PER2: variants seen among roughly 807,000 people sequenced by gnomAD.
The protein encoded by PER2 is period circadian regulator 2.
Under a neutral mutation model 121.0 loss-of-function variants are expected in PER2, and 66 were observed. That is an observed-to-expected ratio of 0.55 (90% CI 0.45 to 0.67). The LOEUF is 0.67. PER2 is among the 30% of genes least tolerant of loss of function. The pLI, the probability that PER2 is intolerant of heterozygous loss-of-function variation, is 0.00. For missense variants in PER2, 1,521 were observed against 1,635.0 expected (o/e 0.93, Z 1.20); for synonymous variants, 684 against 659.9 (o/e 1.04, Z -0.56).
Position 238,256,991 on chromosome 2 carries a change from GCGA to G in PER2, c.1993_1995del (p.Ser665del). On this transcript the variant is annotated inframe_deletion, in exon 17 of 23. Transcript: ENST00000254657. ...CTGCTGTAGCTGCACTGGCTGGTGA[GCGA>G]CGCCACACTCTCTGCCTTGCCCGGC... 6.2e-7 allele frequency: 1 copy of G among 1,613,858 alleles called. No homozygotes were observed. The highest frequency in any genetic ancestry group is 8.5e-7 in the Non-Finnish European group (1 of 1,179,998).
chr2:238,295,223 G>GTTCTTC, the PER2 span, among the ~76,000 whole-genome samples: 11 of 151,882 alleles, frequency 7.2e-5, no homozygotes, highest in African/African-American at 2.4e-4. Context: ...TGTTGTTGTT[G>GTTCTTC]TTCTTCTTCT....
chr2:238,288,019 C>A (rs939200022), intron 1 of PER2, among the ~76,000 whole-genome samples: 1 of 152,168 alleles, frequency 6.6e-6, no homozygotes, highest in Non-Finnish European at 1.5e-5. Context: ...AGGGTCTCCC[C>A]GCCCTCAGGT....
Position 238,252,037 on chromosome 2 carries a change from A to G in PER2, c.3112-276T>C, listed in dbSNP as rs1695619680. On this transcript the variant is annotated intron_variant, in intron 19 of 22. Coordinates refer to ENST00000254657, the MANE Select transcript of PER2 (RefSeq NM_022817.3). This position sits in a 1 kb window ranked among gnomAD's most constrained non-coding sequence, Gnocchi z 4.2. ...GGCAATACCTGGGCTCCAGGGGGGA[A>G]AGCCTCAGGCTGCTCCTTGGCCACA... Among the ~76,000 whole-genome samples the G allele has an allele frequency of 6.6e-6, 1 of 152,154 alleles. No individual in the cohort carries two copies. The highest frequency in any genetic ancestry group is 2.4e-5 in the African/African-American group (1 of 41,434).
In PER2 at chr2:238,288,452, T is replaced by A. The variant is rs1199678814; in HGVS notation, c.-123A>T. ...CGCACCCTGCGCGCGGCTCGACCAC[T>A]CTCCACCTGGGACAGGGCCAAGGGC... On this transcript the variant is annotated 5_prime_UTR_variant, in exon 1 of 23. Transcript: ENST00000254657. The A allele has an allele frequency of 6.6e-6, 1 of 152,014 alleles. No individual in the cohort carries two copies. Among genetic ancestry groups the A allele is most frequent in the Non-Finnish European group, 1.5e-5 (1 of 68,028 alleles). 9.4% of individuals were successfully genotyped at this position (152,014 alleles called of 1,614,324 possible). A position where few individuals can be genotyped will look rare whatever the true frequency, so the allele number is the denominator to read the frequency against.
rs1181067753 is a variant in PER2, at chr2:238,252,938, C to T, written c.3085G>A (p.Asp1029Asn). ...GADCKPGTSR[D>N]QQPKAPLTRD... ...GTCAGAGGCGCCTTCGGCTGCTGGT[C>T]CCGAGAAGTGCCAGGTTTGCAGTCC... The change falls in exon 19 of 23, where the codon GAC (aspartate) becomes AAC (asparagine). Residue 1029 changes from aspartate to asparagine, a missense_variant. Physicochemically the swap from Asp to Asn is conservative, Grantham distance 23. Coordinates refer to ENST00000254657, the MANE Select transcript of PER2 (RefSeq NM_022817.3). The surrounding 1 kb of genome is among the most constrained non-coding windows in gnomAD (Gnocchi z 4.2). 2 of 1,613,660 alleles carry T rather than the reference C, an allele frequency of 1.2e-6. No individual in the cohort carries two copies. Among genetic ancestry groups the T allele is most frequent in the South Asian group, 2.2e-5 (2 of 91,060 alleles).
chr2:238,251,760 C>T lies in PER2; in HGVS notation c.3113G>A (p.Arg1038His), dbSNP rs780467105. Residue 1038 changes from arginine to histidine, a missense_variant and splice_region_variant, in exon 20 of 23, where the codon CGT (arginine) becomes CAT (histidine). Physicochemically the swap from Arg to His is conservative, Grantham distance 29. Coordinates refer to ENST00000254657, the MANE Select transcript of PER2 (RefSeq NM_022817.3). ...RDQQPKAPLT[R>H]DEPSDTQNSD... ...GTTCTGTGTGTCTGAGGGTTCATCA[C>T]GCTTTAGGGACAGGAAGCAGATACT... The T allele has an allele frequency of 6.6e-6, 10 of 1,504,744 alleles. No individual in the cohort carries two copies. Among genetic ancestry groups the T allele is most frequent in the Admixed American group, 1.8e-5 (1 of 55,538 alleles). 93.2% of individuals were successfully genotyped at this position (1,504,744 alleles called of 1,614,324 possible).
upstream of PER2, among the ~76,000 whole-genome samples, chr2:238,291,507 C>T (rs140737471): frequency 2.3e-4 from 35 of 152,332 alleles, no homozygotes; most frequent in African/African-American, 7.9e-4. Flanking sequence ...AGCTGGAGGG[C>T]CAAAGGACAG....
chr2:238,262,351 G>T lies in PER2; in HGVS notation c.1154-7C>A. 2 of 1,613,958 alleles carry T rather than the reference G, an allele frequency of 1.2e-6. No individual in the cohort carries two copies. The highest frequency in any genetic ancestry group is 1.7e-6 in the Non-Finnish European group (2 of 1,179,888). ...TGCCCGCCTGACTGCAGGACTAGGA[G>T]AGCAAAAGCCAGCATTCAGGGGAAA... is the stretch of plus-strand genomic sequence containing the variant. On this transcript the variant is annotated splice_polypyrimidine_tract_variant and splice_region_variant and intron_variant, in intron 10 of 22. Transcript: ENST00000254657.
intron 14 of PER2, 28 bp from the exon 15 acceptor site, chr2:238,258,672 A>G (rs375975832): frequency 8.7e-6 from 14 of 1,611,818 alleles, no homozygotes; most frequent in Middle Eastern, 1.6e-4. Context: ...TTGTTCTTTC[A>G]TTCATTTTTC....
chr2:238,248,680 G>C (rs1271779278), intron 22 of PER2, among the ~76,000 whole-genome samples: 1 of 140,124 alleles, frequency 7.1e-6, no homozygotes, highest in Non-Finnish European at 1.5e-5. Flanking sequence ...TTTTGAGACA[G>C]AGTCTTGCTC....
At chr2:238,285,411 C>T (rs1379373461) in intron 1 of PER2, among the ~76,000 whole-genome samples, 3 of 152,136 alleles carry the variant, frequency 2.0e-5, no homozygotes, top group Non-Finnish European at 4.4e-5. Flanking sequence ...GGTTCGTTAC[C>T]CTATCCTCCC....
At position 238,253,185 on chromosome 2, in the gene PER2, CTG is replaced by C; in HGVS notation, c.2836_2837del (p.Gln946AlafsTer2). 6.3e-7 allele frequency: 1 copy of C among 1,593,816 alleles called. No individual in the cohort carries two copies. The highest frequency in any genetic ancestry group is 8.6e-7 in the Non-Finnish European group (1 of 1,167,220). ...TCGAGGTCCGGCTGGGGAACTCAGG[CTG>C]TGAGGCAGAGGCCATCTCGGATGTG... ...TLTSEMASAS[Q>X]PEFPSRTSIP... On this transcript the variant is annotated frameshift_variant, in exon 19 of 23. Coordinates refer to ENST00000254657, the MANE Select transcript of PER2 (RefSeq NM_022817.3). LOFTEE classifies it high-confidence loss of function. The surrounding 1 kb of genome is among the most constrained non-coding windows in gnomAD (Gnocchi z 5.6).
chr2:238,246,239 GTT>G lies in PER2; in HGVS notation c.*134_*135del, dbSNP rs966418767. Reference sequence around the variant, plus strand: ...AGTCGCCCCTTCAGAAAACTATGTTGTTTTTTTTTCTAAAACAAAAAAAGCAA... The same window carrying G: ...AGTCGCCCCTTCAGAAAACTATGTTGTTTTTTTCTAAAACAAAAAAAGCAA... On this transcript the variant is annotated 3_prime_UTR_variant, in exon 23 of 23. Transcript: ENST00000254657. 7.1e-6 allele frequency: 4 copies of G among 563,206 alleles called. No homozygotes were observed. The highest frequency in any genetic ancestry group is 1.2e-5 in the Non-Finnish European group (4 of 342,018). 34.9% of individuals were successfully genotyped at this position (563,206 alleles called of 1,614,324 possible).
chr2:238,294,647 C>T (rs984658085), upstream of PER2, among the ~76,000 whole-genome samples: 1 of 152,222 alleles, frequency 6.6e-6, no homozygotes. Flanking sequence ...CTCAACACCA[C>T]GACGCCAAAG....
rs1695687811 is a variant in PER2, at chr2:238,253,975, A to G, written c.2321-273T>C. On this transcript the variant is annotated intron_variant, in intron 18 of 22. Coordinates refer to ENST00000254657, the MANE Select transcript of PER2 (RefSeq NM_022817.3). This position sits in a 1 kb window ranked among gnomAD's most constrained non-coding sequence, Gnocchi z 5.6. Reference sequence around the variant, plus strand: ...TATTAAATGTCCTTTCTTTTATGAAATGCTAATATGATAAGTGGTAATACA... The same window carrying G: ...TATTAAATGTCCTTTCTTTTATGAAGTGCTAATATGATAAGTGGTAATACA... Among the ~76,000 whole-genome samples the G allele has an allele frequency of 6.6e-6, 1 of 152,214 alleles. No homozygotes were observed. Among genetic ancestry groups the G allele is most frequent in the Admixed American group, 6.5e-5 (1 of 15,282 alleles).
chr2:238,277,238 T>C (rs1574858175), intron 2 of PER2, 45 bp from the exon 3 acceptor site: 1 of 1,209,868 alleles, frequency 8.3e-7, no homozygotes, highest in Non-Finnish European at 1.2e-6. Flanking sequence ...AATTGTATGC[T>C]CCAGACACAT....
In PER2 at chr2:238,268,025, C is replaced by T. The variant is rs1242614056; in HGVS notation, c.967+31G>A. 1 of 1,612,128 alleles carries T rather than the reference C, an allele frequency of 6.2e-7. No individual in the cohort carries two copies. Among genetic ancestry groups the T allele is most frequent in the Non-Finnish European group, 8.5e-7 (1 of 1,179,372 alleles). ...GTAACTGAGGGGGAGCCAGAGACAA[C>T]ATCTGCCCTCGCCCTGGGCTTGGCT... On this transcript the variant is annotated intron_variant, in intron 8 of 22. Coordinates refer to ENST00000254657, the MANE Select transcript of PER2 (RefSeq NM_022817.3). The surrounding 1 kb of genome is among the most constrained non-coding windows in gnomAD (Gnocchi z 4.0).
chr2:238,294,650 C>T (rs35588220), upstream of PER2, among the ~76,000 whole-genome samples: 42,307 of 152,100 alleles, frequency 0.28, 6,322 homozygotes, highest in Non-Finnish European at 0.34. Context: ...AACACCACGA[C>T]GCCAAAGGAA....
At position 238,245,345 on chromosome 2, in the gene PER2, A is replaced by T; in HGVS notation, c.*1030T>A. The T allele has an allele frequency of 2.6e-6, 1 of 380,326 alleles. No homozygotes were observed. Among genetic ancestry groups the T allele is most frequent in the Non-Finnish European group, 4.7e-6 (1 of 214,808 alleles). 23.6% of individuals were successfully genotyped at this position (380,326 alleles called of 1,614,324 possible). A position where few individuals can be genotyped will look rare whatever the true frequency, so the allele number is the denominator to read the frequency against. ...CTCATGAAAAGAATGAGGGCTGTGC[A>T]CCCAACCCAGGGTGCAGTGGGAGAG... On this transcript the variant is annotated 3_prime_UTR_variant, in exon 23 of 23. Coordinates refer to ENST00000254657, the MANE Select transcript of PER2 (RefSeq NM_022817.3).
Sources: allele counts gnomAD v4.1 joint callset (sites outside exome capture counted in the v4.1 genomes callset), GRCh38; gene constraint gnomAD v4.1.1; non-coding constraint Gnocchi (gnomAD v3.1); transcripts MANE v1.5; gene names NCBI Gene and HGNC (gene_info 2026-07-23, HGNC 2026-07-21).